The following PDE10A variants were observed in gnomAD, a reference collection of about 807,000 sequenced individuals.
PDE10A encodes the protein cAMP and cAMP-inhibited cGMP 3',5'-cyclic phosphodiesterase 10A.
Under a neutral mutation model 97.7 loss-of-function variants are expected in PDE10A, and 39 were observed. That is an observed-to-expected ratio of 0.40 (90% CI 0.31 to 0.52). The LOEUF (loss-of-function observed/expected upper bound fraction) is 0.52, where lower values mean the gene tolerates loss of function less well. Among genes scored for constraint, PDE10A ranks in the 20% least tolerant of loss-of-function variants. The probability of loss-of-function intolerance (pLI) is 0.56; values close to 1 mark genes in which losing one functional copy is unlikely to be tolerated. For synonymous variants in PDE10A, 371 were observed against 376.8 expected (o/e 0.98, Z 0.18); for missense variants, 731 against 1,047.8 (o/e 0.70, Z 4.17).
chr6:165,751,595 C>T (rs1334887442), intron 1 of PDE10A, among the ~76,000 whole-genome samples: 3 of 152,070 alleles, frequency 2.0e-5, no homozygotes, highest in African/African-American at 7.2e-5. Context: ...CTGGTCACAA[C>T]CCTGCTGACC....
chr6:165,620,892 G>A (rs1461389219), intron 1 of PDE10A, among the ~76,000 whole-genome samples: 2 of 151,978 alleles, frequency 1.3e-5, no homozygotes, highest in Admixed American at 6.6e-5. Context: ...ATGATAGTGT[G>A]CACCTGTAGT....
At chr6:165,698,923 A>T (rs2128443256) in intron 1 of PDE10A, among the ~76,000 whole-genome samples, 2 of 152,336 alleles carry the variant, frequency 1.3e-5, no homozygotes, top group African/African-American at 4.8e-5. Flanking sequence ...GTAAAGGAGA[A>T]GTAGAAGGAT....
intron 1 of PDE10A, among the ~76,000 whole-genome samples, chr6:165,585,968 G>C (rs1785889672): frequency 6.6e-6 from 1 of 152,044 alleles, no homozygotes. Flanking sequence ...GCCACAAGCA[G>C]CTATCAACTA....
chr6:165,462,187 T>C (rs558628472), intron 3 of PDE10A, among the ~76,000 whole-genome samples: 1 of 152,344 alleles, frequency 6.6e-6, no homozygotes, highest in African/African-American at 2.4e-5. Flanking sequence ...TGGTATCCCA[T>C]ACAATTCTCA....
At chr6:165,810,430 G>T (rs943284239) in intron 1 of PDE10A, among the ~76,000 whole-genome samples, 1 of 152,106 alleles carries the variant, frequency 6.6e-6, no homozygotes, top group African/African-American at 2.4e-5. Flanking sequence ...CCATGCTCTG[G>T]AAGCCTGGCA....
intron 1 of PDE10A, among the ~76,000 whole-genome samples, chr6:165,879,230 T>G (rs1192167636): frequency 6.6e-6 from 1 of 152,250 alleles, no homozygotes; most frequent in Non-Finnish European, 1.5e-5. Flanking sequence ...ATAACATTCA[T>G]ACAATGGCCA....
In PDE10A at chr6:165,430,316, TTCTG is replaced by T. The variant is rs1343164892; in HGVS notation, c.1568_1571del (p.Thr523AsnfsTer2). On this transcript the variant is annotated frameshift_variant, in exon 9 of 22. Transcript: ENST00000539869. LOFTEE classifies it high-confidence loss of function. ...ATACGTCGAGTAGGAAGTCATTCAA[TTCTG>T]TCTGTTTGGCAAGGCCTCTGCATAC... 2 of 1,609,288 alleles carry T rather than the reference TTCTG, an allele frequency of 1.2e-6. No homozygotes were observed. Among genetic ancestry groups the T allele is most frequent in the Non-Finnish European group, 1.7e-6 (2 of 1,176,416 alleles).
In PDE10A at chr6:165,508,601, A is replaced by G. The variant is rs527396804; in HGVS notation, c.995-26258T>C. ...TCAGTGTCTACATAACTTTTAAGAA[A>G]CTGCCAAGCTATTCTCCACACTGGT... On this transcript the variant is annotated intron_variant, in intron 2 of 21. Coordinates refer to ENST00000539869, the MANE Select transcript of PDE10A (RefSeq NM_001385079.1). Among the ~76,000 whole-genome samples, 22 of 152,028 alleles carry G rather than the reference A, an allele frequency of 1.4e-4. No homozygotes were observed. In the East Asian group the frequency reaches 3.9e-3, roughly 27 times the overall value.
At chr6:165,789,777 T>C (rs990207684) in intron 1 of PDE10A, among the ~76,000 whole-genome samples, 2 of 150,872 alleles carry the variant, frequency 1.3e-5, no homozygotes, top group Non-Finnish European at 2.9e-5. Context: ...AAAGACATGC[T>C]TTATCTTACT....
chr6:165,898,824 C>T (rs144137081), intron 1 of PDE10A, among the ~76,000 whole-genome samples: 41 of 152,300 alleles, frequency 2.7e-4, no homozygotes, highest in African/African-American at 9.1e-4. Context: ...TCCATCCCAG[C>T]GCACTGCCTT....
At chr6:165,907,720 G>T (rs920501726) in intron 1 of PDE10A, among the ~76,000 whole-genome samples, 2 of 152,230 alleles carry the variant, frequency 1.3e-5, no homozygotes, top group Non-Finnish European at 2.9e-5. Context: ...CCAGTGATGG[G>T]CCTCCCTGCA....
chr6:165,483,076 A>G (rs993192324), intron 2 of PDE10A, among the ~76,000 whole-genome samples: 8 of 152,216 alleles, frequency 5.3e-5, no homozygotes, highest in Non-Finnish European at 1.0e-4. Context: ...TTGCACACAC[A>G]GGTCATTGAT....
chr6:165,906,895 C>A (rs571189871), intron 1 of PDE10A, among the ~76,000 whole-genome samples: 2 of 152,262 alleles, frequency 1.3e-5, no homozygotes, highest in African/African-American at 4.8e-5. Context: ...AGATCGGAGT[C>A]CAGGTAAGTA....
Position 165,660,221 on chromosome 6 carries a change from T to A in PDE10A, c.865+1726A>T, listed in dbSNP as rs773471440. On this transcript the variant is annotated intron_variant, in intron 1 of 21. Coordinates refer to ENST00000539869, the MANE Select transcript of PDE10A (RefSeq NM_001385079.1). The stretch of plus-strand genomic sequence containing the variant: ...CCCATCCTCTACCACCTTCAATGCA[T>A]GGCCAAAGGGCACTTCAGTAGGGAA... 2.0e-5 allele frequency: 3 copies of A among 152,768 alleles called. No homozygotes were observed. In the East Asian group the frequency reaches 5.8e-4, roughly 29 times the overall value. 9.5% of individuals were successfully genotyped at this position (152,768 alleles called of 1,614,324 possible). A position where few individuals can be genotyped will look rare whatever the true frequency, so the allele number is the denominator to read the frequency against.
chr6:165,829,739 C>T (rs1324486120), intron 1 of PDE10A, among the ~76,000 whole-genome samples: 1 of 152,244 alleles, frequency 6.6e-6, no homozygotes, highest in Non-Finnish European at 1.5e-5. Flanking sequence ...GCTTCCTCTG[C>T]TGGCTGACCT....
At chr6:165,805,322 C>T (rs954403593) in intron 1 of PDE10A, among the ~76,000 whole-genome samples, 7 of 152,134 alleles carry the variant, frequency 4.6e-5, no homozygotes, top group Non-Finnish European at 1.0e-4. Context: ...CACCTGCGGG[C>T]TGGCAGATCC....
intron 1 of PDE10A, among the ~76,000 whole-genome samples, chr6:165,604,518 T>TAAAAAAAA (rs34272357): frequency 0.081 from 11,011 of 136,696 alleles, 554 homozygotes; most frequent in Non-Finnish European, 0.12. Flanking sequence ...CTCTCTTTGT[T>TAAAAAAAA]AAAAAAAAAA....
chr6:165,846,130 C>T (rs904499669), intron 1 of PDE10A, among the ~76,000 whole-genome samples: 30 of 152,180 alleles, frequency 2.0e-4, no homozygotes, highest in African/African-American at 7.2e-4. Flanking sequence ...ACGGACTCTT[C>T]GTGCCTTGCA....
chr6:165,395,065 A>G (rs1786050064), intron 15 of PDE10A, 116 bp downstream of exon 15: 3 of 603,426 alleles, frequency 5.0e-6, no homozygotes, highest in South Asian at 2.3e-5. Flanking sequence ...AGTAATTTAT[A>G]CATGCAGTAT....
Sources: gnomAD v4.1 joint callset for allele counts (sites outside exome capture counted in the v4.1 genomes callset) on GRCh38, gnomAD v4.1.1 for gene constraint, MANE v1.5 for transcripts, NCBI Gene and HGNC (gene_info 2026-07-23, HGNC 2026-07-21) for gene names.